Variants in XXYLT1 observed in about 807,000 individuals in gnomAD.
XXYLT1 encodes the protein UDP-xylose:alpha-xyloside alpha-1,3-xylosyltransferase.
In XXYLT1, 20 loss-of-function variants were observed where a neutral mutation model predicts 28.9. The ratio of observed to expected loss-of-function variants is 0.69; its 90% CI spans 0.49 to 1.00. XXYLT1 has a LOEUF of 1.00. Ranked by LOEUF, XXYLT1 falls within the 50% of genes least tolerant of loss-of-function variation. The probability of loss-of-function intolerance (pLI) is 0.00; values close to 1 mark genes in which losing one functional copy is unlikely to be tolerated. For synonymous variants in XXYLT1, 257 were observed against 253.8 expected, an observed-to-expected ratio of 1.01 and a Z score of -0.12; for missense variants, 542 against 560.1, an observed-to-expected ratio of 0.97 and a Z score of 0.33.
At chr3:195,134,589 T>C (rs1474123806) in intron 3 of XXYLT1, 1 of 155,926 alleles carries the variant, frequency 6.4e-6, no homozygotes, top group Non-Finnish European at 1.5e-5. Flanking sequence ...TATACCATGC[T>C]ACTGTAATGA....
intron 2 of XXYLT1, among the ~76,000 whole-genome samples, chr3:195,185,982 G>C (rs142393112): frequency 0.01 from 1,573 of 152,146 alleles, 15 homozygotes; most frequent in African/African-American, 0.034. Flanking sequence ...TGGCTCTAGG[G>C]TCCCTGCAAC....
intron 2 of XXYLT1, among the ~76,000 whole-genome samples, chr3:195,177,014 C>G (rs1721701498): frequency 6.6e-6 from 1 of 152,232 alleles, no homozygotes; most frequent in South Asian, 2.1e-4. Flanking sequence ...GCTGGGCTCT[C>G]ACATCAGCAC....
intron 1 of XXYLT1, among the ~76,000 whole-genome samples, chr3:195,253,410 G>A (rs1296109973): frequency 1.3e-5 from 2 of 151,388 alleles, no homozygotes; most frequent in Non-Finnish European, 2.9e-5. Context: ...CAAAAGACAC[G>A]TTTTCATTTT....
Position 195,180,217 on chromosome 3 carries a change from G to T in XXYLT1, c.653-23636C>A. The stretch of plus-strand genomic sequence containing the variant: ...TGGCTTATGCACAGTCATTTCTAAC[G>T]CCAGATCCCCGTCTCTGCACTGACA... On this transcript the variant is annotated intron_variant, in intron 2 of 3. Transcript: ENST00000310380. The surrounding 1 kb of genome is among the most constrained non-coding windows in gnomAD (Gnocchi z 5.8). 1 of 727,688 alleles carries T rather than the reference G, an allele frequency of 1.4e-6. No homozygotes were observed. Among genetic ancestry groups the T allele is most frequent in the Non-Finnish European group, 1.7e-6 (1 of 594,888 alleles). 45.1% of individuals were successfully genotyped at this position (727,688 alleles called of 1,614,324 possible).
chr3:195,074,667 T>G (rs1359662349), intron 3 of XXYLT1, among the ~76,000 whole-genome samples: 1 of 152,118 alleles, frequency 6.6e-6, no homozygotes, highest in Non-Finnish European at 1.5e-5. Context: ...CTGGGTGATG[T>G]CGGCTAATTT....
intron 2 of XXYLT1, among the ~76,000 whole-genome samples, chr3:195,198,874 T>C (rs1722736103): frequency 6.6e-6 from 1 of 152,144 alleles, no homozygotes; most frequent in Non-Finnish European, 1.5e-5. Context: ...AGAATATCAA[T>C]TGCTTCGAGA....
intron 3 of XXYLT1, among the ~76,000 whole-genome samples, chr3:195,085,126 C>T (rs961275270): frequency 2.6e-5 from 4 of 152,174 alleles, no homozygotes; most frequent in African/African-American, 4.8e-5. Flanking sequence ...TCTCCTTGCA[C>T]GAGGTCAAGT....
intron 3 of XXYLT1, among the ~76,000 whole-genome samples, chr3:195,135,844 G>A (rs1719166686): frequency 1.3e-5 from 2 of 152,198 alleles, no homozygotes. Context: ...CAGGTAGGCA[G>A]GCAGGCATTA....
intron 1 of XXYLT1, among the ~76,000 whole-genome samples, chr3:195,244,870 A>C (rs1724946993): frequency 2.1e-5 from 3 of 145,634 alleles, no homozygotes; most frequent in African/African-American, 7.5e-5. Flanking sequence ...AAAAACAAAA[A>C]AAAACCCACT....
At chr3:195,132,221 T>C (rs1718939633) in intron 3 of XXYLT1, among the ~76,000 whole-genome samples, 1 of 152,200 alleles carries the variant, frequency 6.6e-6, no homozygotes, top group Non-Finnish European at 1.5e-5. Context: ...AAAATGGGGA[T>C]AGAAATAGTA....
chr3:195,193,486 A>C (rs60222943), intron 2 of XXYLT1, among the ~76,000 whole-genome samples: 7,808 of 152,276 alleles, frequency 0.051, 619 homozygotes, highest in African/African-American at 0.18. Flanking sequence ...CCAGACTGAT[A>C]TGTAAATTAC....
At position 195,156,432 on chromosome 3, in the gene XXYLT1, CT is replaced by C; in HGVS notation, c.785+16del. On this transcript the variant is annotated intron_variant, in intron 3 of 3. Transcript: ENST00000310380. ...GGGAGGGGTCGTGGAGGCGGCCCCC[CT>C]GCAGTCATGACGCACCTGTAAACTG... The C allele has an allele frequency of 6.2e-7, 1 of 1,612,164 alleles. No homozygotes were observed. Among genetic ancestry groups the C allele is most frequent in the Non-Finnish European group, 8.5e-7 (1 of 1,179,298 alleles).
chr3:195,267,641 G>C (rs1313571414), intron 1 of XXYLT1, among the ~76,000 whole-genome samples: 1 of 152,178 alleles, frequency 6.6e-6, no homozygotes, highest in Non-Finnish European at 1.5e-5. Context: ...GGAGTTTAGA[G>C]TCTAGCAAGG....
chr3:195,117,114 TACACAC>T (rs10633458), intron 3 of XXYLT1, among the ~76,000 whole-genome samples: 1,718 of 148,738 alleles, frequency 0.012, 9 homozygotes, highest in African/African-American at 0.016. Context: ...ATATAGTGTA[TACACAC>T]ACACACACAC....
chr3:195,131,964 A>G (rs1204746666), intron 3 of XXYLT1, among the ~76,000 whole-genome samples: 6 of 152,206 alleles, frequency 3.9e-5, no homozygotes, highest in Non-Finnish European at 2.9e-5. Flanking sequence ...GCAGGTGATC[A>G]GCATCTAGCA....
chr3:195,148,050 G>A (rs1051658211), intron 3 of XXYLT1: 4 of 152,206 alleles, frequency 2.6e-5, no homozygotes, highest in East Asian at 1.9e-4. Flanking sequence ...CTATGCGCCC[G>A]AGTCTTGGGA....
intron 1 of XXYLT1, among the ~76,000 whole-genome samples, chr3:195,228,690 A>G (rs953124367): frequency 2.7e-5 from 4 of 147,712 alleles, no homozygotes; most frequent in Admixed American, 1.3e-4. Context: ...GGGTTTCACC[A>G]TGTTAGCCAG....
intron 1 of XXYLT1, among the ~76,000 whole-genome samples, chr3:195,232,188 C>T (rs763172060): frequency 2.6e-5 from 4 of 152,058 alleles, no homozygotes; most frequent in Non-Finnish European, 5.9e-5. Context: ...TTCACAGTAG[C>T]CACTAATGAT....
intron 1 of XXYLT1, among the ~76,000 whole-genome samples, chr3:195,262,167 G>A (rs1577209431): frequency 6.6e-6 from 1 of 152,204 alleles, no homozygotes; most frequent in East Asian, 1.9e-4. Context: ...ATAAAAAAGG[G>A]TGAAGCATTA....
Sources: gnomAD v4.1 joint callset for allele counts (sites outside exome capture counted in the v4.1 genomes callset) on GRCh38, gnomAD v4.1.1 for gene constraint, Gnocchi (gnomAD v3.1) non-coding constraint, MANE v1.5 for transcripts, NCBI Gene and HGNC (gene_info 2026-07-23, HGNC 2026-07-21) for gene names.